ARIH1: variants seen among roughly 807,000 people sequenced by gnomAD.
ARIH1 encodes E3 ubiquitin-protein ligase ARIH1.
In ARIH1, 8 loss-of-function variants were observed where a neutral mutation model predicts 85.0. That is an observed-to-expected ratio of 0.09 (90% confidence interval 0.06 to 0.17). ARIH1 has a LOEUF of 0.17. Among genes scored for constraint, ARIH1 ranks in the 10% least tolerant of loss-of-function variants. The pLI, the probability that ARIH1 is intolerant of heterozygous loss-of-function variation, is 1.00. For missense variants in ARIH1, 311 were observed against 718.1 expected (o/e 0.43, Z 6.48); for synonymous variants, 238 against 253.6 (o/e 0.94, Z 0.59).
At chr15:72,490,826 A>G (rs12595243) in intron 1 of ARIH1, among the ~76,000 whole-genome samples, 4,670 of 152,230 alleles carry the variant, frequency 0.031, 118 homozygotes, top group East Asian at 0.11. Flanking sequence ...GTGACTAAAC[A>G]ATGCAGATTA....
chr15:72,564,163 T>G (rs913674155), intron 7 of ARIH1, among the ~76,000 whole-genome samples: 1 of 152,226 alleles, frequency 6.6e-6, no homozygotes, highest in Non-Finnish European at 1.5e-5. Context: ...TCATCTCTTC[T>G]TGCATTTTCT....
chr15:72,557,253 A>G (rs1250786529), intron 5 of ARIH1, among the ~76,000 whole-genome samples: 1 of 151,832 alleles, frequency 6.6e-6, no homozygotes, highest in Non-Finnish European at 1.5e-5. Flanking sequence ...TTGGCTGCGT[A>G]TATGTCTTCT....
intron 11 of ARIH1, 28 bp from the exon 12 acceptor site, chr15:72,580,703 T>A: frequency 6.3e-7 from 1 of 1,587,898 alleles, no homozygotes. Context: ...GTTATAATTA[T>A]ATCACCCAAT....
At chr15:72,486,869 T>G (rs1288401710) in intron 1 of ARIH1, among the ~76,000 whole-genome samples, 1 of 151,252 alleles carries the variant, frequency 6.6e-6, no homozygotes, top group Non-Finnish European at 1.5e-5. Flanking sequence ...AATTTTTGTA[T>G]TTTTTGGTAG....
chr15:72,529,338 G>A (rs1407616159), intron 2 of ARIH1, among the ~76,000 whole-genome samples: 2 of 152,210 alleles, frequency 1.3e-5, no homozygotes, highest in African/African-American at 4.8e-5. Flanking sequence ...GAACTCCGGG[G>A]CTCAAACTGA....
chr15:72,484,945 G>T (rs2063831939), intron 1 of ARIH1, among the ~76,000 whole-genome samples: 1 of 152,128 alleles, frequency 6.6e-6, no homozygotes. Flanking sequence ...TGGATACCCA[G>T]TAGTGTGATT....
At chr15:72,478,505 A>T (rs2063803161) in intron 1 of ARIH1, among the ~76,000 whole-genome samples, 1 of 152,160 alleles carries the variant, frequency 6.6e-6, no homozygotes, top group Non-Finnish European at 1.5e-5. Flanking sequence ...GAGTATTTAA[A>T]CTTGCCATTT....
intron 1 of ARIH1, among the ~76,000 whole-genome samples, chr15:72,492,606 G>A (rs1348553623): frequency 2.6e-5 from 4 of 152,188 alleles, no homozygotes; most frequent in African/African-American, 4.8e-5. Context: ...ATTTGGAAAC[G>A]TATGTACATA....
intron 11 of ARIH1, among the ~76,000 whole-genome samples, chr15:72,580,378 G>A (rs1395282551): frequency 1.3e-5 from 2 of 152,174 alleles, no homozygotes; most frequent in Admixed American, 1.3e-4. Context: ...TGTGAATAAT[G>A]CTGTAGTGAA....
At position 72,588,582 on chromosome 15, in the gene ARIH1, A is replaced by C. The variant is rs544294492; in HGVS notation, c.*5290A>C. The C allele has an allele frequency of 3.0e-4, 45 of 152,222 alleles. No homozygotes were observed. Among genetic ancestry groups the C allele is most frequent in the African/African-American group, 1.0e-3 (43 of 41,538 alleles). The allele number at this position is 152,222 out of a possible 1,614,324, so 9.4% of individuals were successfully genotyped here. On this transcript the variant is annotated 3_prime_UTR_variant, in exon 14 of 14. Transcript: ENST00000379887. ...TGCAAAAAGAGAATATAGGCGAGCA[A>C]CTCCAGATCATAAGGGACAAAATGA...
chr15:72,505,675 C>T (rs1023589637), intron 1 of ARIH1, among the ~76,000 whole-genome samples: 5 of 152,046 alleles, frequency 3.3e-5, no homozygotes, highest in African/African-American at 1.2e-4. Flanking sequence ...AAGGTTTGAC[C>T]AAAGTTGCCA....
At chr15:72,535,950 G>A (rs150504216) in intron 2 of ARIH1, among the ~76,000 whole-genome samples, 25 of 152,086 alleles carry the variant, frequency 1.6e-4, no homozygotes, top group African/African-American at 4.1e-4. Flanking sequence ...GGGGTGGGGC[G>A]GGGGCAGAGA....
chr15:72,574,931 A>G (rs576185569), intron 11 of ARIH1, among the ~76,000 whole-genome samples: 1 of 136,752 alleles, frequency 7.3e-6, no homozygotes, highest in South Asian at 2.7e-4. Context: ...ACAAAAAAAA[A>G]ACAAAGAAGG....
chr15:72,553,933 A>G (rs2064163695), intron 3 of ARIH1, among the ~76,000 whole-genome samples: 1 of 152,018 alleles, frequency 6.6e-6, no homozygotes, highest in African/African-American at 2.4e-5. Context: ...AAAAGAATCA[A>G]TATGTGATCT....
chr15:72,515,018 A>G (rs915975207), intron 1 of ARIH1, among the ~76,000 whole-genome samples: 3 of 152,062 alleles, frequency 2.0e-5, no homozygotes, highest in East Asian at 1.9e-4. Flanking sequence ...TTCACATTTC[A>G]TTTGTTTTAA....
Position 72,515,998 on chromosome 15 carries a change from C to T in ARIH1, c.376-2069C>T, listed in dbSNP as rs991399424. On this transcript the variant is annotated intron_variant, in intron 1 of 13. Coordinates refer to ENST00000379887, the MANE Select transcript of ARIH1 (RefSeq NM_005744.5). Reference sequence around the variant, plus strand: ...TGAGCACATTTAGGGAGCCCTTGCCCTAACCATATTAAATAAAAACATGGT... The same window carrying T: ...TGAGCACATTTAGGGAGCCCTTGCCTTAACCATATTAAATAAAAACATGGT... Among the ~76,000 whole-genome samples the T allele has an allele frequency of 2.6e-5, 4 of 152,150 alleles. No individual in the cohort carries two copies. In the East Asian group the frequency reaches 7.7e-4, roughly 29 times the overall value.
chr15:72,484,805 A>C (rs867319751), intron 1 of ARIH1, among the ~76,000 whole-genome samples: 2 of 139,858 alleles, frequency 1.4e-5, no homozygotes, highest in African/African-American at 2.5e-5. Context: ...ACACACACAC[A>C]CCACAGTTTC....
intron 1 of ARIH1, among the ~76,000 whole-genome samples, chr15:72,503,442 A>G (rs1176136347): frequency 1.3e-5 from 2 of 152,144 alleles, no homozygotes; most frequent in Non-Finnish European, 2.9e-5. Context: ...GTTATCTGCC[A>G]TGTGTTCTTG....
chr15:72,569,959 C>T (rs1251100805), intron 9 of ARIH1, among the ~76,000 whole-genome samples: 1 of 152,090 alleles, frequency 6.6e-6, no homozygotes, highest in East Asian at 1.9e-4. Flanking sequence ...AAAACAAGTC[C>T]TTAAATTGTT....
Sources: allele counts gnomAD v4.1 joint callset (sites outside exome capture counted in the v4.1 genomes callset), GRCh38; gene constraint gnomAD v4.1.1; transcripts MANE v1.5; gene names NCBI Gene and HGNC (gene_info 2026-07-23, HGNC 2026-07-21).